Variants in KAZN observed in about 807,000 individuals in gnomAD.
The protein encoded by KAZN is kazrin, periplakin interacting protein, also known as kazrin.
A neutral mutation model predicts 87.4 loss-of-function variants in KAZN; 40 were observed. The observed-to-expected ratio is 0.46, with a 90% CI of 0.36 to 0.60. The LOEUF is 0.60. Among genes scored for constraint, KAZN ranks in the 20% least tolerant of loss-of-function variants. KAZN has a pLI of 0.00. For missense variants in KAZN, 898 were observed against 1,073.9 expected, an observed-to-expected ratio of 0.84 and a Z score of 2.29; for synonymous variants, 466 against 458.3, an observed-to-expected ratio of 1.02 and a Z score of -0.22.
At chr1:14,417,087 G>C (rs1432842424) in intron 2 of KAZN, among the ~76,000 whole-genome samples, 1 of 151,730 alleles carries the variant, frequency 6.6e-6, no homozygotes, top group Admixed American at 6.6e-5. Flanking sequence ...AGCTACTCAG[G>C]AGGCTGAGGT....
chr1:14,179,099 C>A (rs1646142125), intron 1 of KAZN, among the ~76,000 whole-genome samples: 1 of 152,128 alleles, frequency 6.6e-6, no homozygotes, highest in African/African-American at 2.4e-5. Context: ...GTTTTTCTTG[C>A]TGGTCATGTA....
chr1:14,920,443 T>C (rs1482621742), intron 1 of KAZN, among the ~76,000 whole-genome samples: 1 of 151,608 alleles, frequency 6.6e-6, no homozygotes, highest in Non-Finnish European at 1.5e-5. Context: ...TTAAAATGAG[T>C]TGCCGGGAGG....
chr1:14,731,939 A>T (rs12093159), intron 1 of KAZN, among the ~76,000 whole-genome samples: 27,844 of 152,244 alleles, frequency 0.18, 2,976 homozygotes, highest in African/African-American at 0.3. Context: ...TCTGTGCTCA[A>T]GAAGCGACAG....
At chr1:14,601,682 C>G (rs946800825) in intron 1 of KAZN, among the ~76,000 whole-genome samples, 1 of 152,178 alleles carries the variant, frequency 6.6e-6, no homozygotes, top group South Asian at 2.1e-4. Context: ...AGGCTCAGCT[C>G]CTCAGGGTTT....
chr1:14,585,677 A>G (rs1675811185), intron 2 of KAZN, among the ~76,000 whole-genome samples: 1 of 152,212 alleles, frequency 6.6e-6, no homozygotes, highest in Admixed American at 6.5e-5. Context: ...GGCAAAAGGC[A>G]AGATAGATGG....
Position 14,235,700 on chromosome 1 carries a change from A to G in KAZN, c.249+55108A>G, listed in dbSNP as rs577784057. Among the ~76,000 whole-genome samples the G allele has an allele frequency of 6.6e-5, 10 of 152,324 alleles. No individual in the cohort carries two copies. In the East Asian group the frequency reaches 1.9e-3, roughly 29 times the overall value. On this transcript the variant is annotated intron_variant, in intron 2 of 16. Coordinates refer to the KAZN transcript ENST00000636203. The stretch of plus-strand genomic sequence containing the variant: ...GTGACATTCTTTCTAAGACTGAAGA[A>G]TTGGAAACAATCTAGATGTCAGTCA...
At chr1:14,975,904 C>G (rs1043392363) in intron 2 of KAZN, among the ~76,000 whole-genome samples, 3 of 151,878 alleles carry the variant, frequency 2.0e-5, no homozygotes, top group African/African-American at 7.2e-5. Flanking sequence ...TAGTGGCGGG[C>G]GCCTGTAGTC....
chr1:14,129,659 T>G (rs1644949943), intron 1 of KAZN, among the ~76,000 whole-genome samples: 1 of 152,180 alleles, frequency 6.6e-6, no homozygotes, highest in Non-Finnish European at 1.5e-5. Context: ...CTCCATGTTC[T>G]TCTCGTGATG....
chr1:14,589,139 G>A (rs1676035046), intron 2 of KAZN, among the ~76,000 whole-genome samples: 1 of 152,108 alleles, frequency 6.6e-6, no homozygotes, highest in Non-Finnish European at 1.5e-5. Flanking sequence ...CTGTTCCTGG[G>A]TGAAGCTGTC....
At chr1:14,790,666 G>T (rs1645647256) in intron 1 of KAZN, among the ~76,000 whole-genome samples, 1 of 152,128 alleles carries the variant, frequency 6.6e-6, no homozygotes, top group Non-Finnish European at 1.5e-5. Flanking sequence ...GCCAGCCAGG[G>T]ATTTGGCCTT....
chr1:14,892,558 CA>C (rs1419928706), intron 1 of KAZN, among the ~76,000 whole-genome samples: 1 of 152,162 alleles, frequency 6.6e-6, no homozygotes, highest in Non-Finnish European at 1.5e-5. Context: ...GGTTTTTCTA[CA>C]AGGTCTGCAA....
chr1:14,785,719 ATTG>A (rs1474349164), intron 1 of KAZN, among the ~76,000 whole-genome samples: 2 of 152,184 alleles, frequency 1.3e-5, no homozygotes, highest in East Asian at 3.9e-4. Context: ...TTCTTAGAGA[ATTG>A]TTGTGAAGAT....
chr1:14,981,296 G>T (rs191847816), intron 2 of KAZN, among the ~76,000 whole-genome samples: 13 of 152,338 alleles, frequency 8.5e-5, no homozygotes, highest in Non-Finnish European at 1.8e-4. Flanking sequence ...GTGCGTGCTT[G>T]ACCCAGTAGC....
At position 14,682,291 on chromosome 1, in the gene KAZN, C is replaced by CTT. The variant is rs55908428; in HGVS notation, c.226+83081_226+83082dup. Among the ~76,000 whole-genome samples the CTT allele has an allele frequency of 6.9e-4, 99 of 144,208 alleles. 1 individual carries two copies. Among genetic ancestry groups the CTT allele is most frequent in the East Asian group, 1.5e-3 (7 of 4,822 alleles). 94.6% of individuals were successfully genotyped at this position (144,208 alleles called of 152,430 possible). A position where few individuals can be genotyped will look rare whatever the true frequency, so the allele number is the denominator to read the frequency against. On this transcript the variant is annotated intron_variant, in intron 1 of 14. Coordinates refer to ENST00000376030, the MANE Select transcript of KAZN (RefSeq NM_201628.3). ...AGGTTAAGACATGGGTCAGAATTTC[C>CTT]TTTTTTTTTTTTTTAAGACAGGGTC...
intron 1 of KAZN, among the ~76,000 whole-genome samples, chr1:14,759,337 C>T (rs1247623437): frequency 1.3e-5 from 2 of 152,170 alleles, no homozygotes. Context: ...TCAATTTCCA[C>T]TGTCCACGGA....
At position 14,923,469 on chromosome 1, in the gene KAZN, C is replaced by T. The variant is rs1213294623; in HGVS notation, c.227-37215C>T. ...CTGTTCCCCCACCCACTCCCAGGGT[C>T]CAGGCTCTGGCCTCCCCTGCCAATG... On this transcript the variant is annotated intron_variant, in intron 1 of 14. Coordinates refer to ENST00000376030, the MANE Select transcript of KAZN (RefSeq NM_201628.3). This position sits in a 1 kb window ranked among gnomAD's most constrained non-coding sequence, Gnocchi z 4.2. 6.6e-6 allele frequency among the ~76,000 whole-genome samples: 1 copy of T among 152,178 alleles called. No homozygotes were observed. Among genetic ancestry groups the T allele is most frequent in the Non-Finnish European group, 1.5e-5 (1 of 68,040 alleles).
chr1:14,105,501 GTGCC>G (rs1175955273), intron 1 of KAZN, among the ~76,000 whole-genome samples: 1 of 152,200 alleles, frequency 6.6e-6, no homozygotes, highest in African/African-American at 2.4e-5. Flanking sequence ...TGGGAACCAT[GTGCC>G]TCTGGGTTCT....
At chr1:14,266,615 T>C (rs1255180771) in intron 2 of KAZN, among the ~76,000 whole-genome samples, 1 of 152,236 alleles carries the variant, frequency 6.6e-6, no homozygotes, top group Non-Finnish European at 1.5e-5. Flanking sequence ...ACCCATTTAT[T>C]CCAGTTCAGG....
intron 2 of KAZN, among the ~76,000 whole-genome samples, chr1:15,008,065 G>A (rs1324034947): frequency 1.3e-5 from 2 of 152,140 alleles, no homozygotes; most frequent in African/African-American, 2.4e-5. Flanking sequence ...TTTTGGCCTT[G>A]AGGCCTGCTG....
Sources: allele counts gnomAD v4.1 joint callset (sites outside exome capture counted in the v4.1 genomes callset), GRCh38; gene constraint gnomAD v4.1.1; non-coding constraint Gnocchi (gnomAD v3.1); transcripts MANE v1.5; gene names NCBI Gene and HGNC (gene_info 2026-07-23, HGNC 2026-07-21).